Variants in SIM2 observed in about 807,000 individuals in gnomAD.
SIM2 encodes the protein SIM bHLH transcription factor 2.
In SIM2, 28 loss-of-function variants were observed where a neutral mutation model predicts 64.8. That is an observed-to-expected ratio of 0.43 (90% confidence interval 0.32 to 0.59). The LOEUF (loss-of-function observed/expected upper bound fraction) is 0.59. SIM2 is among the 20% of genes least tolerant of loss of function. The pLI is 0.07. For synonymous variants in SIM2, 408 were observed against 391.1 expected (o/e 1.04, Z -0.51); for missense variants, 847 against 871.4 (o/e 0.97, Z 0.35).
At chr21:36,739,048 A>T (rs1247874632) in intron 7 of SIM2, among the ~76,000 whole-genome samples, 2 of 151,068 alleles carry the variant, frequency 1.3e-5, no homozygotes, top group African/African-American at 4.8e-5. Context: ...TCTCCCATGT[A>T]AAAAACAAAA....
At chr21:36,721,259 C>T (rs1238263091) in intron 4 of SIM2, among the ~76,000 whole-genome samples, 1 of 152,168 alleles carries the variant, frequency 6.6e-6, no homozygotes, top group Admixed American at 6.5e-5. Flanking sequence ...CAGACATCAA[C>T]ATGAATCATG....
chr21:36,744,003 C>T (rs1309565278), intron 9 of SIM2, among the ~76,000 whole-genome samples: 2 of 152,212 alleles, frequency 1.3e-5, no homozygotes, highest in Non-Finnish European at 2.9e-5. Context: ...AATACCAGCA[C>T]TTTGGGAGGC....
chr21:36,707,124 A>C (rs2088595426), intron 1 of SIM2, among the ~76,000 whole-genome samples: 1 of 152,230 alleles, frequency 6.6e-6, no homozygotes, highest in African/African-American at 2.4e-5. Flanking sequence ...CACAGGGCAA[A>C]GGTGGCTCCA....
At chr21:36,744,424 G>GA (rs1256696100) in intron 9 of SIM2, among the ~76,000 whole-genome samples, 1 of 150,970 alleles carries the variant, frequency 6.6e-6, no homozygotes, top group Admixed American at 6.6e-5. Context: ...AAGAAATAAA[G>GA]AAAGAAAGAA....
chr21:36,727,675 G>A (rs1032878589), intron 6 of SIM2, among the ~76,000 whole-genome samples: 1 of 152,186 alleles, frequency 6.6e-6, no homozygotes, highest in African/African-American at 2.4e-5. Flanking sequence ...CAGAGACCCC[G>A]CTCCTGGCGT....
chr21:36,708,936 C>G (rs370999217), intron 1 of SIM2, among the ~76,000 whole-genome samples: 2 of 152,304 alleles, frequency 1.3e-5, no homozygotes, highest in East Asian at 1.9e-4. Flanking sequence ...CACAGGCGCC[C>G]GGGCTGCCGG....
At chr21:36,733,747 G>A (rs1601704924) in intron 7 of SIM2, among the ~76,000 whole-genome samples, 2 of 152,060 alleles carry the variant, frequency 1.3e-5, no homozygotes, top group East Asian at 3.9e-4. Flanking sequence ...ATTTTTAGTA[G>A]AGACGGGGTT....
At chr21:36,736,850 C>A (rs1262697221) in intron 7 of SIM2, among the ~76,000 whole-genome samples, 2 of 23,388 alleles carry the variant, frequency 8.6e-5, no homozygotes, top group Non-Finnish European at 1.1e-4. Context: ...TCTTTCTTTT[C>A]TTTCTTTCTT....
Position 36,723,130 on chromosome 21 carries a change from G to A in SIM2, c.543G>A (p.Lys181=). The A allele has an allele frequency of 6.2e-7, 1 of 1,613,494 alleles. No individual in the cohort carries two copies. The highest frequency in any genetic ancestry group is 1.1e-5 in the South Asian group (1 of 91,074). ...RNAGLTCSGY[K]VIHCSGYLKI... ...CGGGCCTGACCTGCAGCGGATACAA[G>A]GTACGGGGAGTCATGGGTGCGGGGA... The change falls in exon 5 of 11, where the codon AAG becomes AAA. Residue 181 remains lysine (K), a splice_region_variant and synonymous_variant. Transcript: ENST00000290399.
intron 3 of SIM2, among the ~76,000 whole-genome samples, chr21:36,713,970 C>T (rs899311479): frequency 4.6e-5 from 7 of 152,232 alleles, no homozygotes; most frequent in Non-Finnish European, 7.3e-5. Flanking sequence ...CTATGTGACT[C>T]GTGGGATTAG....
intron 7 of SIM2, among the ~76,000 whole-genome samples, chr21:36,731,611 C>T (rs1213944462): frequency 4.6e-5 from 7 of 152,094 alleles, no homozygotes; most frequent in East Asian, 3.9e-4. Flanking sequence ...TAGGTTAAGC[C>T]GCTTGCCCAC....
intron 3 of SIM2, 122 bp downstream of exon 3, chr21:36,712,744 C>A (rs775985564): frequency 4.9e-5 from 31 of 637,940 alleles, no homozygotes; most frequent in Non-Finnish European, 7.4e-5. Context: ...AAGAACATAA[C>A]CCTAAATTGC....
In SIM2 at chr21:36,749,487, T is replaced by G. The variant is rs1214761458; in HGVS notation, c.*1395T>G. On this transcript the variant is annotated 3_prime_UTR_variant, in exon 11 of 11. Transcript: ENST00000290399. The stretch of plus-strand genomic sequence containing the variant: ...TTTTTGCCAACCCTGTGTCACTTAG[T>G]GAGGACCTGACACAATCCCTACAGG... 6.7e-6 allele frequency: 1 copy of G among 150,340 alleles called. No homozygotes were observed. Among genetic ancestry groups the G allele is most frequent in the Admixed American group, 6.6e-5 (1 of 15,090 alleles). 9.3% of individuals were successfully genotyped at this position (150,340 alleles called of 1,614,324 possible).
chr21:36,712,776 C>T lies in SIM2; in HGVS notation c.348+154C>T, dbSNP rs1452873334. Among the ~76,000 whole-genome samples, 3 of 152,160 alleles carry T rather than the reference C, an allele frequency of 2.0e-5. No individual in the cohort carries two copies. The East Asian group carries it at 5.8e-4, about 29-fold the overall frequency. On this transcript the variant is annotated intron_variant, in intron 3 of 10. Transcript: ENST00000290399. ...TTGCAAAATCCTCTTCTCAGGACAT[C>T]CTGCAGGGGTTTTCTTCTCCATATT...
At chr21:36,714,728 C>A (rs559654191) in intron 3 of SIM2, among the ~76,000 whole-genome samples, 1 of 152,132 alleles carries the variant, frequency 6.6e-6, no homozygotes, top group Non-Finnish European at 1.5e-5. Flanking sequence ...GTCAGGCCGT[C>A]CAAGTTAGCC....
chr21:36,740,124 T>A (rs1568940251), intron 7 of SIM2, among the ~76,000 whole-genome samples: 1 of 151,806 alleles, frequency 6.6e-6, no homozygotes, highest in Non-Finnish European at 1.5e-5. Flanking sequence ...TTTTTTTTTT[T>A]AGATAAAATT....
chr21:36,747,952 C>A lies in SIM2; in HGVS notation c.1864C>A (p.Leu622Met). 1 of 1,001,616 alleles carries A rather than the reference C, an allele frequency of 1.0e-6. No homozygotes were observed. Among genetic ancestry groups the A allele is most frequent in the African/African-American group, 1.8e-5 (1 of 57,100 alleles). The allele number at this position is 1,001,616 out of a possible 1,614,324, so 62.0% of individuals were successfully genotyped here. Residue 622 changes from leucine (L) to methionine (M), a missense_variant, in exon 11 of 11, where the codon CTG becomes ATG. By Grantham distance (15) the Leu-to-Met change is conservative (BLOSUM62 2). Transcript: ENST00000290399. The surrounding 1 kb of genome is among the most constrained non-coding windows in gnomAD (Gnocchi z 4.5). ...LGGAAPAASG[L>M]ACAPGGPEAA... ...GGGCGCCGCACCCGCCGCCTCCGGCCTGGCCTGCGCTCCCGGCGGCCCCGA... is the reference window on the plus strand; with the variant it reads ...GGGCGCCGCACCCGCCGCCTCCGGCATGGCCTGCGCTCCCGGCGGCCCCGA...
At chr21:36,741,682 A>C in intron 7 of SIM2, 35 bp from the exon 8 acceptor site, 1 of 1,607,732 alleles carries the variant, frequency 6.2e-7, no homozygotes, top group Non-Finnish European at 8.5e-7. Context: ...GGGCCTGCGA[A>C]GCGTCTGAGG....
At chr21:36,746,312 CAA>C (rs71326702) in intron 10 of SIM2, 2 of 137,772 alleles carry the variant, frequency 1.5e-5, no homozygotes, top group Non-Finnish European at 1.6e-5. Context: ...GAGACTGTCT[CAA>C]AAAAAAAAAA....
Sources: allele counts gnomAD v4.1 joint callset (sites outside exome capture counted in the v4.1 genomes callset), GRCh38; gene constraint gnomAD v4.1.1; non-coding constraint Gnocchi (gnomAD v3.1); transcripts MANE v1.5; gene names NCBI Gene and HGNC (gene_info 2026-07-23, HGNC 2026-07-21).